The following SLC13A4 variants were observed in gnomAD, a reference collection of about 807,000 sequenced individuals.
SLC13A4 encodes the protein Na(+)/sulfate cotransporter SUT-1.
SLC13A4 carries 28 observed loss-of-function variants against 72.7 expected under a neutral mutation model. The observed-to-expected ratio is 0.39, with a 90% confidence interval of 0.29 to 0.53. SLC13A4 has a LOEUF of 0.53. Among genes scored for constraint, SLC13A4 ranks in the 20% least tolerant of loss-of-function variants. SLC13A4 has a pLI of 0.78. For synonymous variants in SLC13A4, 312 were observed against 325.5 expected, an observed-to-expected ratio of 0.96 and a Z score of 0.45; for missense variants, 653 against 788.0, an observed-to-expected ratio of 0.83 and a Z score of 2.05.
chr7:135,722,783 A>C (rs541252831), intron 1 of SLC13A4, among the ~76,000 whole-genome samples: 1 of 152,204 alleles, frequency 6.6e-6, no homozygotes, highest in African/African-American at 2.4e-5. Flanking sequence ...TTGCATCTAG[A>C]GACTGAATCC....
chr7:135,708,380 G>T (rs932530785), intron 2 of SLC13A4, 130 bp from the exon 3 acceptor site: 7 of 1,278,142 alleles, frequency 5.5e-6, no homozygotes, highest in Admixed American at 2.2e-5. Context: ...GGGAGGCAGG[G>T]GGGTGAGGAT....
chr7:135,699,250 T>C, intron 8 of SLC13A4, 114 bp downstream of exon 8: 1 of 1,112,896 alleles, frequency 9.0e-7, no homozygotes, highest in Non-Finnish European at 1.2e-6. Context: ...TGTTTTTCCC[T>C]CTTTCTACGG....
chr7:135,685,646 A>G lies in SLC13A4; in HGVS notation c.1484T>C (p.Leu495Ser). ...GLSTWIGNQM[L>S]SLSSLPPWAV... ...CCACGGTGGGAGGCTGCTCAGGGAC[A>G]ACATCTGGTTCCCAATCCATGTAGA... is the stretch of plus-strand genomic sequence containing the variant. The change falls in exon 14 of 16, where the codon TTG becomes TCG. Residue 495 changes from leucine to serine, a missense_variant. Leu to Ser is a moderately radical substitution (Grantham distance 145). Coordinates refer to ENST00000682651, the MANE Select transcript of SLC13A4 (RefSeq NM_001318192.2). 6.2e-7 allele frequency: 1 copy of G among 1,614,192 alleles called. No individual in the cohort carries two copies. Among genetic ancestry groups the G allele is most frequent in the Non-Finnish European group, 8.5e-7 (1 of 1,180,008 alleles).
Position 135,721,437 on chromosome 7 carries a change from C to T in SLC13A4, c.186G>A (p.Pro62=), listed in dbSNP as rs1027260078. 3.1e-6 allele frequency: 5 copies of T among 1,614,088 alleles called. No individual in the cohort carries two copies. Among genetic ancestry groups the T allele is most frequent in the South Asian group, 1.1e-5 (1 of 91,080 alleles). The change falls in exon 2 of 16, where the codon CCG becomes CCA. Residue 62 remains proline (P), a synonymous_variant. Transcript: ENST00000682651. ...CTCCGAAGAACGGGTAAAGGAAGGCCGGCACCAGGGCTGCAGCTCCCAGAG... is the reference window on the plus strand; with the variant it reads ...CTCCGAAGAACGGGTAAAGGAAGGCTGGCACCAGGGCTGCAGCTCCCAGAG... ...AVPLGAAALV[P]AFLYPFFGVL...
At chr7:135,712,561 G>A (rs1226472449) in intron 2 of SLC13A4, among the ~76,000 whole-genome samples, 1 of 151,850 alleles carries the variant, frequency 6.6e-6, no homozygotes, top group Admixed American at 6.6e-5. Context: ...GGCATGGCCT[G>A]CCACATTGAT....
intron 2 of SLC13A4, among the ~76,000 whole-genome samples, chr7:135,711,828 G>A: frequency 6.6e-6 from 1 of 151,920 alleles, no homozygotes; most frequent in East Asian, 1.9e-4. Flanking sequence ...CGCAATCTCG[G>A]CTCACTACAA....
chr7:135,708,196 C>A lies in SLC13A4; in HGVS notation c.283G>T (p.Val95Leu), dbSNP rs34547425. 1.2e-6 allele frequency: 2 copies of A among 1,614,218 alleles called. No homozygotes were observed. Among genetic ancestry groups the A allele is most frequent in the Non-Finnish European group, 1.7e-6 (2 of 1,180,034 alleles). The change falls in exon 3 of 16, where the codon GTG becomes TTG. Residue 95 changes from valine to leucine, a missense_variant. Val to Leu is a conservative substitution (Grantham distance 32). Transcript: ENST00000682651. ...TTLLLVGVIC[V>L]AAAVEKWNLH... ...TTCCACTTCTCCACGGCAGCCGCCA[C>A]GCAGATGACCCCCACCAGCAGCAGC... is the stretch of plus-strand genomic sequence containing the variant.
chr7:135,721,658 C>T lies in SLC13A4; in HGVS notation c.100-135G>A, dbSNP rs895468312. Reference sequence around the variant, plus strand: ...TAGGATACAGCCCAGGGACCGAAACCGAACTGGCAGGCGAGCATGGTGAAT... The same window carrying T: ...TAGGATACAGCCCAGGGACCGAAACTGAACTGGCAGGCGAGCATGGTGAAT... On this transcript the variant is annotated intron_variant, in intron 1 of 15. Transcript: ENST00000682651. 7.4e-6 allele frequency: 8 copies of T among 1,085,250 alleles called. No individual in the cohort carries two copies. The South Asian group carries it at 7.7e-5, about 10-fold the overall frequency. 67.2% of individuals were successfully genotyped at this position (1,085,250 alleles called of 1,614,324 possible).
At chr7:135,709,425 T>A (rs938682137) in intron 2 of SLC13A4, among the ~76,000 whole-genome samples, 36 of 147,478 alleles carry the variant, frequency 2.4e-4, no homozygotes, top group South Asian at 8.6e-4. Context: ...CTTTTTTTTT[T>A]AAAAAAAAAT....
rs148821573 is a variant in SLC13A4 at position 135,698,928 on chromosome 7, C to T, written c.899+436G>A. On this transcript the variant is annotated intron_variant, in intron 8 of 15. Coordinates refer to ENST00000682651, the MANE Select transcript of SLC13A4 (RefSeq NM_001318192.2). ...GATTACAGGCATGAGCCACTGCGCCCGGCCTTTTTTTTGTTTTTGTTTTTT... is the reference window on the plus strand; with the variant it reads ...GATTACAGGCATGAGCCACTGCGCCTGGCCTTTTTTTTGTTTTTGTTTTTT... 9.8e-3 allele frequency among the ~76,000 whole-genome samples: 1,491 copies of T among 152,138 alleles called. 35 individuals carry two copies. The highest frequency in any genetic ancestry group is 0.033 in the African/African-American group (1,385 of 41,520).
rs1375349872 is a variant in SLC13A4 at position 135,683,518 on chromosome 7, G to C, written c.1746+606C>G. 1.2e-5 allele frequency: 12 copies of C among 985,014 alleles called. No homozygotes were observed. The Admixed American group carries it at 1.8e-4, about 15-fold the overall frequency. 61.0% of individuals were successfully genotyped at this position (985,014 alleles called of 1,614,324 possible). A position where few individuals can be genotyped will look rare whatever the true frequency, so the allele number is the denominator to read the frequency against. On this transcript the variant is annotated intron_variant, in intron 15 of 15. Coordinates refer to ENST00000682651, the MANE Select transcript of SLC13A4 (RefSeq NM_001318192.2). ...GCCCTGGATACTAAGTATAGCAGCA[G>C]GTGTATAGGTAGAGGAGTAGAAGGT...
rs148241976 is a variant in SLC13A4 at position 135,690,428 on chromosome 7, G to A, written c.1446+773C>T. 4.3e-3 allele frequency among the ~76,000 whole-genome samples: 657 copies of A among 152,202 alleles called. 5 individuals are homozygous for A. Among genetic ancestry groups the A allele is most frequent in the South Asian group, 0.027 (128 of 4,816 alleles). Reference sequence around the variant, plus strand: ...AAGCATTTACATCAGCTTTAGCCTAGATTTTCCAAAGGGGCTCAGTCTATG... The same window carrying A: ...AAGCATTTACATCAGCTTTAGCCTAAATTTTCCAAAGGGGCTCAGTCTATG... On this transcript the variant is annotated intron_variant, in intron 13 of 15. Transcript: ENST00000682651.
intron 1 of SLC13A4, among the ~76,000 whole-genome samples, chr7:135,727,069 T>G (rs945474555): frequency 1.3e-5 from 2 of 152,208 alleles, no homozygotes; most frequent in Non-Finnish European, 2.9e-5. Context: ...CCATGTCGTT[T>G]GCATGGGTGT....
At chr7:135,720,860 T>A (rs1584742093) in intron 2 of SLC13A4, among the ~76,000 whole-genome samples, 1 of 152,186 alleles carries the variant, frequency 6.6e-6, no homozygotes, top group East Asian at 1.9e-4. Flanking sequence ...AGAAAGAAAG[T>A]AACCTTAAGT....
intron 6 of SLC13A4, 82 bp downstream of exon 6, chr7:135,702,763 G>A (rs1479127985): frequency 1.7e-6 from 2 of 1,152,150 alleles, no homozygotes; most frequent in African/African-American, 3.0e-5. Flanking sequence ...TGAAAATCTG[G>A]TTCTGAATCT....
chr7:135,700,633 T>C (rs138459715), intron 7 of SLC13A4, among the ~76,000 whole-genome samples: 4 of 152,270 alleles, frequency 2.6e-5, no homozygotes, highest in East Asian at 1.9e-4. Flanking sequence ...ATAGTTTAAG[T>C]GTAGCAATTG....
intron 7 of SLC13A4, 67 bp from the exon 8 acceptor site, chr7:135,699,615 A>C: frequency 7.0e-7 from 1 of 1,419,304 alleles, no homozygotes; most frequent in Non-Finnish European, 9.6e-7. Context: ...CATGAGAGGC[A>C]GGAGGCACCA....
At position 135,691,288 on chromosome 7, in the gene SLC13A4, G is replaced by C. The variant is rs893414091; in HGVS notation, c.1359C>G (p.Ile453Met). 6.2e-7 allele frequency: 1 copy of C among 1,613,904 alleles called. No homozygotes were observed. Among genetic ancestry groups the C allele is most frequent in the Admixed American group, 1.7e-5 (1 of 59,994 alleles). The change falls in exon 13 of 16, where the codon ATC (isoleucine) becomes ATG (methionine). Residue 453 changes from isoleucine (I) to methionine (M), a missense_variant. By Grantham distance (10) the Ile-to-Met change is conservative (BLOSUM62 1). Transcript: ENST00000682651. ...NQEHSLGTEP[I>M]ITWKDFQKTM... ...TCTTCTGGAAGTCCTTCCACGTGAT[G>C]ATGGGCTCGGTCCCCAGTGAGTGCT...
chr7:135,691,173 C>A (rs56341417), intron 13 of SLC13A4, 28 bp downstream of exon 13: 384,882 of 1,488,370 alleles, frequency 0.26, 16,428 homozygotes, highest in Middle Eastern at 0.38. Context: ...AAAAAAAAAA[C>A]CCCAAAAAAA....
Sources: allele counts gnomAD v4.1 joint callset (sites outside exome capture counted in the v4.1 genomes callset), GRCh38; gene constraint gnomAD v4.1.1; transcripts MANE v1.5; gene names NCBI Gene and HGNC (gene_info 2026-07-23, HGNC 2026-07-21).